Variants in NAA16 observed in about 807,000 individuals in gnomAD.
NAA16 encodes the protein NARG1-like protein.
Under a neutral mutation model 110.3 loss-of-function variants are expected in NAA16, and 97 were observed. The ratio of observed to expected loss-of-function variants is 0.88; its 90% CI spans 0.75 to 1.04. The LOEUF (loss-of-function observed/expected upper bound fraction) is 1.04. Ranked by LOEUF, NAA16 falls within the 50% of genes least tolerant of loss-of-function variation. The pLI, the probability that NAA16 is intolerant of heterozygous loss-of-function variation, is 0.00. For synonymous variants in NAA16, 372 were observed against 330.6 expected, an observed-to-expected ratio of 1.13 and a Z score of -1.36; for missense variants, 1,017 against 1,005.1, an observed-to-expected ratio of 1.01 and a Z score of -0.16.
intron 4 of NAA16, among the ~76,000 whole-genome samples, chr13:41,321,836 C>G (rs1488087580): frequency 1.3e-5 from 2 of 152,190 alleles, no homozygotes; most frequent in Non-Finnish European, 2.9e-5. Context: ...TATTTATATA[C>G]TTCTTACTTT....
At position 41,333,277 on chromosome 13, in the gene NAA16, T is replaced by C. The variant is rs573683508; in HGVS notation, c.907+1908T>C. 4.6e-5 allele frequency among the ~76,000 whole-genome samples: 7 copies of C among 152,286 alleles called. No homozygotes were observed. The South Asian group carries it at 1.2e-3, about 27-fold the overall frequency. On this transcript the variant is annotated intron_variant, in intron 8 of 19. Coordinates refer to ENST00000379406, the MANE Select transcript of NAA16 (RefSeq NM_024561.5). ...TAAAAAATAATAGCTTTTTGAAATA[T>C]AATCCATATACCGTAAAACTCACTT...
At chr13:41,340,566 C>T (rs1254466712) in intron 9 of NAA16, among the ~76,000 whole-genome samples, 1 of 147,660 alleles carries the variant, frequency 6.8e-6, no homozygotes, top group African/African-American at 2.5e-5. Context: ...ATCTTTATTT[C>T]TGCCTTCATT....
intron 7 of NAA16, among the ~76,000 whole-genome samples, chr13:41,329,745 A>G (rs2042185362): frequency 1.3e-5 from 2 of 152,026 alleles, no homozygotes; most frequent in Admixed American, 1.3e-4. Context: ...AGAAAACAGC[A>G]AAGCTCATAT....
At chr13:41,329,556 A>G (rs9532789) in intron 7 of NAA16, among the ~76,000 whole-genome samples, 142,585 of 150,522 alleles carry the variant, frequency 0.95, 67,601 homozygotes, top group South Asian at 0.99. Flanking sequence ...TTTGGTAAAT[A>G]GGTAGCTACC....
chr13:41,372,410 A>G (rs1471134406), intron 16 of NAA16, 99 bp downstream of exon 16: 3 of 1,379,082 alleles, frequency 2.2e-6, no homozygotes, highest in Non-Finnish European at 1.9e-6. Context: ...TTAGATTTTC[A>G]TTTTAGCCTT....
chr13:41,315,762 A>G (rs965242792), intron 1 of NAA16, among the ~76,000 whole-genome samples: 2 of 151,974 alleles, frequency 1.3e-5, no homozygotes, highest in East Asian at 3.9e-4. Context: ...CTGTTGCCAC[A>G]TATGTTTTTG....
intron 9 of NAA16, among the ~76,000 whole-genome samples, chr13:41,343,901 G>T (rs932247915): frequency 6.6e-6 from 1 of 151,894 alleles, no homozygotes; most frequent in Non-Finnish European, 1.5e-5. Context: ...CAAAATCTTG[G>T]ACTCGAGAGA....
intron 1 of NAA16, 91 bp downstream of exon 1, chr13:41,311,673 G>A: frequency 1.6e-6 from 2 of 1,212,902 alleles, no homozygotes; most frequent in Non-Finnish European, 1.2e-6. Context: ...GCGCGGGCCA[G>A]GCTTGGCCTC....
chr13:41,342,841 T>C (rs1303179613), intron 9 of NAA16, among the ~76,000 whole-genome samples: 5 of 152,234 alleles, frequency 3.3e-5, no homozygotes, highest in East Asian at 1.9e-4. Flanking sequence ...AGGAATCTTA[T>C]CTCCTCACTT....
chr13:41,362,798 A>G (rs1566295380), intron 13 of NAA16: 1 of 1,289,596 alleles, frequency 7.8e-7, no homozygotes. Context: ...AGTCCTCAGC[A>G]GCCCTCAGTT....
At chr13:41,344,326 T>G (rs142505179) in intron 9 of NAA16, among the ~76,000 whole-genome samples, 426 of 152,358 alleles carry the variant, frequency 2.8e-3, no homozygotes, top group Non-Finnish European at 4.9e-3. Context: ...TGTTAAAAAT[T>G]TAGTGGAACC....
At chr13:41,358,681 T>C in intron 11 of NAA16, 129 bp from the exon 12 acceptor site, 1 of 1,436,292 alleles carries the variant, frequency 7.0e-7, no homozygotes, top group Admixed American at 2.9e-5. Flanking sequence ...GAACTGTAAT[T>C]TTGATTTCTA....
intron 8 of NAA16, among the ~76,000 whole-genome samples, chr13:41,336,162 T>A (rs1020681228): frequency 4.6e-5 from 7 of 150,914 alleles, no homozygotes; most frequent in African/African-American, 1.7e-4. Context: ...AAGTTCTATT[T>A]AAAAAAAAAT....
chr13:41,348,453 A>G (rs571698509), intron 9 of NAA16, among the ~76,000 whole-genome samples: 2 of 151,652 alleles, frequency 1.3e-5, no homozygotes, highest in African/African-American at 4.8e-5. Context: ...GTGAGCCACC[A>G]CTCCTGGCTG....
intron 4 of NAA16, among the ~76,000 whole-genome samples, chr13:41,321,376 T>A (rs904910230): frequency 6.6e-6 from 1 of 152,180 alleles, no homozygotes; most frequent in Non-Finnish European, 1.5e-5. Flanking sequence ...AAGGTCTTGC[T>A]ATGTTACCAA....
chr13:41,343,677 A>G (rs1013031449), intron 9 of NAA16, among the ~76,000 whole-genome samples: 2 of 151,990 alleles, frequency 1.3e-5, no homozygotes, highest in African/African-American at 4.8e-5. Flanking sequence ...CTACAGGCGC[A>G]CACCGCCACA....
chr13:41,313,700 G>A (rs2041720823), intron 1 of NAA16, among the ~76,000 whole-genome samples: 1 of 152,144 alleles, frequency 6.6e-6, no homozygotes, highest in Non-Finnish European at 1.5e-5. Context: ...ATTACAGTTT[G>A]TTGAATTTTG....
chr13:41,342,176 C>T (rs1021077426), intron 9 of NAA16, among the ~76,000 whole-genome samples: 61 of 151,458 alleles, frequency 4.0e-4, no homozygotes, highest in African/African-American at 1.4e-3. Context: ...CTTGCTCTGC[C>T]GCCCAGGCTG....
chr13:41,333,897 C>G (rs2139422519), intron 8 of NAA16, among the ~76,000 whole-genome samples: 1 of 151,738 alleles, frequency 6.6e-6, no homozygotes, highest in South Asian at 2.1e-4. Flanking sequence ...ATCCTAGACT[C>G]TCTAGGACAT....
Sources: allele counts gnomAD v4.1 joint callset (sites outside exome capture counted in the v4.1 genomes callset), GRCh38; gene constraint gnomAD v4.1.1; transcripts MANE v1.5; gene names NCBI Gene and HGNC (gene_info 2026-07-23, HGNC 2026-07-21).